Variants in RNF31 observed in about 807,000 individuals in gnomAD.
RNF31 encodes ring finger protein 31.
Under a neutral mutation model 133.6 loss-of-function variants are expected in RNF31, and 38 were observed. The ratio of observed to expected loss-of-function variants is 0.28; its 90% confidence interval spans 0.22 to 0.37. The LOEUF (loss-of-function observed/expected upper bound fraction) is 0.37. Among genes scored for constraint, RNF31 ranks in the 10% least tolerant of loss-of-function variants. RNF31 has a pLI of 1.00. For missense variants in RNF31, 1,118 were observed against 1,394.1 expected, an observed-to-expected ratio of 0.80 and a Z score of 3.15; for synonymous variants, 582 against 552.3, an observed-to-expected ratio of 1.05 and a Z score of -0.75.
In RNF31 at chr14:24,151,371, C is replaced by T. The variant is rs755821957; in HGVS notation, c.1729C>T (p.Arg577Ter). The T allele has an allele frequency of 1.2e-6, 2 of 1,614,094 alleles. No homozygotes were observed. The highest frequency in any genetic ancestry group is 2.2e-5 in the East Asian group (1 of 44,878). The change falls in exon 9 of 21, where the codon CGA (arginine) becomes TGA (stop). Residue 577 changes from arginine (R) to a stop codon, truncating the protein, a stop_gained. Coordinates refer to ENST00000324103, the MANE Select transcript of RNF31 (RefSeq NM_017999.5). LOFTEE classifies it high-confidence loss of function. The surrounding 1 kb of genome is among the most constrained non-coding windows in gnomAD (Gnocchi z 5.3). ...EAVEECVRTR[R>*]RKVQELQSLG... ...TGTGGAGGAGTGTGTGAGGACCAGG[C>T]GAAGGAAGGTATCAGCTGTGCTGGA...
rs1156602711 is a variant in RNF31, at chr14:24,148,639, C to T, written c.496-3C>T. The stretch of plus-strand genomic sequence containing the variant: ...GAAACCGTTTTTATCTGTATTATTG[C>T]AGAATACTCATCCAAGACAGCAGGC... On this transcript the variant is annotated splice_region_variant and splice_polypyrimidine_tract_variant and intron_variant, in intron 3 of 20. Transcript: ENST00000324103. The T allele has an allele frequency of 6.2e-7, 1 of 1,614,016 alleles. No homozygotes were observed. Among genetic ancestry groups the T allele is most frequent in the South Asian group, 1.1e-5 (1 of 91,076 alleles).
rs778622381 is a variant in RNF31, at chr14:24,155,117, T to C, written c.2131-40T>C. The C allele has an allele frequency of 4.4e-6, 7 of 1,596,300 alleles. No homozygotes were observed. The Admixed American group carries it at 1.0e-4, about 23-fold the overall frequency. Reference sequence around the variant, plus strand: ...TGCCTCTTCCCTAGCCTGGCAGCTGTGGCTTCTGACCCCCTCCCCTCCAAC... The same window carrying C: ...TGCCTCTTCCCTAGCCTGGCAGCTGCGGCTTCTGACCCCCTCCCCTCCAAC... On this transcript the variant is annotated intron_variant, in intron 11 of 20. Coordinates refer to ENST00000324103, the MANE Select transcript of RNF31 (RefSeq NM_017999.5). The surrounding 1 kb of genome is among the most constrained non-coding windows in gnomAD (Gnocchi z 4.9).
Position 24,150,123 on chromosome 14 carries a change from C to T in RNF31, c.872C>T (p.Ser291Phe). 1 of 1,609,520 alleles carries T rather than the reference C, an allele frequency of 6.2e-7. No homozygotes were observed. The highest frequency in any genetic ancestry group is 8.5e-7 in the Non-Finnish European group (1 of 1,176,430). Residue 291 changes from serine (S) to phenylalanine (F), a missense_variant, in exon 7 of 21, where the codon TCT (serine) becomes TTT (phenylalanine). Around this residue, in one of 3 missense-constraint regions of RNF31, gnomAD observed 747 missense variants for 827.9 expected, o/e 0.90. Coordinates refer to ENST00000324103, the MANE Select transcript of RNF31 (RefSeq NM_017999.5). The stretch of plus-strand genomic sequence containing the variant: ...TCCCTGCTGGCCCTGGGAGACAGCT[C>T]TCTTTCTTCCCCTAATCCTGCAAGT... ...STSLLALGDS[S>F]LSSPNPASAH...
intron 11 of RNF31, among the ~76,000 whole-genome samples, chr14:24,152,203 G>A (rs2038277047): frequency 6.6e-6 from 1 of 152,016 alleles, no homozygotes; most frequent in East Asian, 1.9e-4. Flanking sequence ...TGCAATAGTA[G>A]AAAAATTGTA....
chr14:24,148,235 TG>T, intron 2 of RNF31, 22 bp from the exon 3 acceptor site: 1 of 1,613,904 alleles, frequency 6.2e-7, no homozygotes, highest in Non-Finnish European at 8.5e-7. Flanking sequence ...TCCTGGGTGG[TG>T]ACTCGTTTGA....
intron 7 of RNF31, 56 bp from the exon 8 acceptor site, chr14:24,150,542 T>A: frequency 6.3e-7 from 1 of 1,581,770 alleles, no homozygotes; most frequent in Non-Finnish European, 8.6e-7. Flanking sequence ...CTCCCTGTAT[T>A]TCTGTTGTGA....
At chr14:24,159,033 A>C (rs1594384987) in intron 18 of RNF31, among the ~76,000 whole-genome samples, 1 of 26,548 alleles carries the variant, frequency 3.8e-5, no homozygotes, top group Non-Finnish European at 5.7e-5. Context: ...ACTTCGTCTC[A>C]AAAAAAAAAA....
At chr14:24,147,488 A>T, upstream of RNF31, 1 of 415,900 alleles carries the variant, frequency 2.4e-6, no homozygotes, top group Non-Finnish European at 4.1e-6. Context: ...TCGCAGTCCC[A>T]CCCTCTCTCC....
rs2139074931 is a variant in RNF31 at position 24,148,050 on chromosome 14, T to C, written c.267T>C (p.Pro89=). Residue 89 remains proline, a synonymous_variant, in exon 2 of 21, where the codon CCT becomes CCC. Coordinates refer to ENST00000324103, the MANE Select transcript of RNF31 (RefSeq NM_017999.5). ...LEKYGRNLLS[P]QRPRYWRGVK... is the part of the protein sequence containing the mutation. ...AATACGGCCGCAACCTTCTCAGCCCTCAGCGGCCTCGGTACTGGCGTGGTG... is the reference window on the plus strand; with the variant it reads ...AATACGGCCGCAACCTTCTCAGCCCCCAGCGGCCTCGGTACTGGCGTGGTG... The C allele has an allele frequency of 6.2e-7, 1 of 1,614,208 alleles. No homozygotes were observed. Among genetic ancestry groups the C allele is most frequent in the Middle Eastern group, 1.6e-4 (1 of 6,062 alleles).
chr14:24,147,973 C>T lies in RNF31; in HGVS notation c.193-3C>T. On this transcript the variant is annotated splice_region_variant and splice_polypyrimidine_tract_variant and intron_variant, in intron 1 of 20. Coordinates refer to ENST00000324103, the MANE Select transcript of RNF31 (RefSeq NM_017999.5). ...CACACCTCTCTGCTCTCCTTGCTCCCAGCCCCGAAACTACCTCAACACCCT... is the reference window on the plus strand; with the variant it reads ...CACACCTCTCTGCTCTCCTTGCTCCTAGCCCCGAAACTACCTCAACACCCT... The T allele has an allele frequency of 6.2e-7, 1 of 1,613,956 alleles. No homozygotes were observed. Among genetic ancestry groups the T allele is most frequent in the African/African-American group, 1.3e-5 (1 of 74,956 alleles).
intron 6 of RNF31, 42 bp downstream of exon 6, chr14:24,149,625 A>G: frequency 1.3e-6 from 2 of 1,562,698 alleles, no homozygotes; most frequent in Non-Finnish European, 1.7e-6. Flanking sequence ...AATTTAGAGA[A>G]CTTAAGATCA....
chr14:24,154,161 A>G (rs1183266543), intron 11 of RNF31, among the ~76,000 whole-genome samples: 1 of 145,784 alleles, frequency 6.9e-6, no homozygotes, highest in Non-Finnish European at 1.5e-5. Context: ...TGCCCGGCTA[A>G]TTTTTTTTTT....
chr14:24,149,930 T>A, intron 6 of RNF31, 131 bp from the exon 7 acceptor site: 2 of 1,093,056 alleles, frequency 1.8e-6, no homozygotes, highest in Non-Finnish European at 2.6e-6. Context: ...GGTATAGGAG[T>A]ATTCGAGACA....
chr14:24,147,437 C>T (rs1194545717), upstream of RNF31: 5 of 350,878 alleles, frequency 1.4e-5, no homozygotes, highest in Non-Finnish European at 2.5e-5. Flanking sequence ...GACACCGCTC[C>T]AACCTTAACC....
rs2038199836 is a variant in RNF31, at chr14:24,148,129, C to A, written c.339+7C>A. On this transcript the variant is annotated splice_region_variant and intron_variant, in intron 2 of 20. Transcript: ENST00000324103. ...CACGGTGGATGCTGTGCAGGTGAAT[C>A]CCCTGGCCTTATGGGAGAGGGGGCT... 1 of 1,614,118 alleles carries A rather than the reference C, an allele frequency of 6.2e-7. No individual in the cohort carries two copies. Among genetic ancestry groups the A allele is most frequent in the Non-Finnish European group, 8.5e-7 (1 of 1,180,014 alleles).
Position 24,148,199 on chromosome 14 carries a change from G to T in RNF31, c.340-59G>T, listed in dbSNP as rs1042132804. The stretch of plus-strand genomic sequence containing the variant: ...CCTGAGGTTGTGCTGAATGGGAAGG[G>T]GTCCAGCCCTACTAGGCAGGAAACC... On this transcript the variant is annotated intron_variant, in intron 2 of 20. Transcript: ENST00000324103. 4.4e-5 allele frequency: 71 copies of T among 1,612,896 alleles called. No individual in the cohort carries two copies. In the Middle Eastern group the frequency reaches 1.3e-3, roughly 30 times the overall value.
intron 17 of RNF31, 34 bp downstream of exon 17, chr14:24,158,045 C>T (rs1466027149): frequency 1.2e-6 from 2 of 1,612,124 alleles, no homozygotes; most frequent in Non-Finnish European, 1.7e-6. Flanking sequence ...AAGACAGGGC[C>T]CAGGGTGGGC....
chr14:24,150,799 G>GTGGAGGC lies in RNF31; in HGVS notation c.1399_1400insTGGAGGC (p.Ala467ValfsTer13). ...GCCTGGGCCCCCACGACGCCTTAGT[G>GTGGAGGC]CCCCCCTGCCCAGTTCCTGTGGAGA... On this transcript the variant is annotated frameshift_variant, in exon 8 of 21. Coordinates refer to ENST00000324103, the MANE Select transcript of RNF31 (RefSeq NM_017999.5). LOFTEE classifies it high-confidence loss of function. 6.2e-7 allele frequency: 1 copy of GTGGAGGC among 1,605,432 alleles called. No homozygotes were observed. The highest frequency in any genetic ancestry group is 8.5e-7 in the Non-Finnish European group (1 of 1,175,028).
At chr14:24,158,532 C>T in intron 18 of RNF31, 1 of 364,326 alleles carries the variant, frequency 2.7e-6, no homozygotes, top group African/African-American at 2.1e-5. Context: ...TTTTAGGTTC[C>T]ATGAGGGCAA....
Sources: allele counts gnomAD v4.1 joint callset (sites outside exome capture counted in the v4.1 genomes callset), GRCh38; gene constraint gnomAD v4.1.1; regional missense constraint gnomAD v4.1.1; non-coding constraint Gnocchi (gnomAD v3.1); transcripts MANE v1.5; gene names NCBI Gene and HGNC (gene_info 2026-07-23, HGNC 2026-07-21).